Variants in PIAS1 observed in about 807,000 individuals in gnomAD.
The protein encoded by PIAS1 is protein inhibitor of activated STAT 1.
A neutral mutation model predicts 71.3 loss-of-function variants in PIAS1; 6 were observed. The observed-to-expected ratio is 0.08, with a 90% CI of 0.05 to 0.17. The LOEUF (loss-of-function observed/expected upper bound fraction) is 0.17, where lower values mean the gene tolerates loss of function less well. PIAS1 is among the 10% of genes least tolerant of loss of function. The pLI, the probability that PIAS1 is intolerant of heterozygous loss-of-function variation, is 1.00. For missense variants in PIAS1, 555 were observed against 793.6 expected, an observed-to-expected ratio of 0.70 and a Z score of 3.61; for synonymous variants, 303 against 292.9, an observed-to-expected ratio of 1.03 and a Z score of -0.35.
intron 2 of PIAS1, among the ~76,000 whole-genome samples, chr15:68,129,334 C>T (rs913222002): frequency 6.6e-6 from 1 of 152,100 alleles, no homozygotes; most frequent in African/African-American, 2.4e-5. Flanking sequence ...ACCCAAAGCA[C>T]TGGGTTGACA....
intron 2 of PIAS1, among the ~76,000 whole-genome samples, chr15:68,100,400 T>C (rs1338139659): frequency 6.6e-6 from 1 of 152,196 alleles, no homozygotes; most frequent in African/African-American, 2.4e-5. Flanking sequence ...TCCCTCTTGC[T>C]AACTTTTTGA....
chr15:68,126,345 T>C (rs1207828352), intron 2 of PIAS1, among the ~76,000 whole-genome samples: 1 of 152,236 alleles, frequency 6.6e-6, no homozygotes, highest in Non-Finnish European at 1.5e-5. Flanking sequence ...AGCCTGTCTA[T>C]TGAGCTTTTC....
chr15:68,098,173 C>T (rs953764044), intron 2 of PIAS1, among the ~76,000 whole-genome samples: 1 of 152,108 alleles, frequency 6.6e-6, no homozygotes, highest in African/African-American at 2.4e-5. Context: ...CTTTTGACTC[C>T]TCCAAAACTT....
intron 7 of PIAS1, among the ~76,000 whole-genome samples, chr15:68,156,241 A>C (rs1056644937): frequency 5.9e-5 from 9 of 152,246 alleles, no homozygotes; most frequent in African/African-American, 2.2e-4. Context: ...AAGTTTTGAC[A>C]TGTGCCTTGA....
Position 68,192,260 on chromosome 15 carries a change from G to A in PIAS1, c.*4425G>A, listed in dbSNP as rs747250858. The A allele has an allele frequency of 1.2e-4, 18 of 152,166 alleles. No homozygotes were observed. Among genetic ancestry groups the A allele is most frequent in the African/African-American group, 4.1e-4 (17 of 41,428 alleles). The allele number at this position is 152,166 out of a possible 1,614,324, so 9.4% of individuals were successfully genotyped here. Reference sequence around the variant, plus strand: ...TGAAAGTGACAGCAGTTCTCTCGGCGGGGCCAGCATCTAACCGGCCCTCTG... The same window carrying A: ...TGAAAGTGACAGCAGTTCTCTCGGCAGGGCCAGCATCTAACCGGCCCTCTG... On this transcript the variant is annotated 3_prime_UTR_variant, in exon 14 of 14. Coordinates refer to ENST00000249636, the MANE Select transcript of PIAS1 (RefSeq NM_016166.3).
chr15:68,133,089 T>G (rs1294134411), intron 2 of PIAS1, among the ~76,000 whole-genome samples: 1 of 152,050 alleles, frequency 6.6e-6, no homozygotes, highest in Non-Finnish European at 1.5e-5. Flanking sequence ...GTTGTCACTT[T>G]AATGATGTAT....
rs2093126582 is a variant in PIAS1 at position 68,192,829 on chromosome 15, G to A, written c.*4994G>A. On this transcript the variant is annotated 3_prime_UTR_variant, in exon 14 of 14. Transcript: ENST00000249636. ...ACCCACTTTTGATACATACATGGAT[G>A]CAAATCTTTGTACTTGAAGCCCTGC... 1 of 152,278 alleles carries A rather than the reference G, an allele frequency of 6.6e-6. No individual in the cohort carries two copies. Among genetic ancestry groups the A allele is most frequent in the Admixed American group, 6.5e-5 (1 of 15,282 alleles). The allele number at this position is 152,278 out of a possible 1,614,324, so 9.4% of individuals were successfully genotyped here. A position where few individuals can be genotyped will look rare whatever the true frequency, so the allele number is the denominator to read the frequency against.
At chr15:68,085,004 T>G (rs969952996) in intron 1 of PIAS1, among the ~76,000 whole-genome samples, 2 of 152,212 alleles carry the variant, frequency 1.3e-5, no homozygotes, top group Non-Finnish European at 2.9e-5. Flanking sequence ...GCTATATTGC[T>G]TATAAAGCTC....
chr15:68,054,419 TGG>T lies in PIAS1; in HGVS notation c.24+71_24+72del. 6.7e-7 allele frequency: 1 copy of T among 1,501,102 alleles called. No homozygotes were observed. Among genetic ancestry groups the T allele is most frequent in the Non-Finnish European group, 9.1e-7 (1 of 1,103,212 alleles). The allele number at this position is 1,501,102 out of a possible 1,614,324, so 93.0% of individuals were successfully genotyped here. On this transcript the variant is annotated intron_variant, in intron 1 of 13. Coordinates refer to ENST00000249636, the MANE Select transcript of PIAS1 (RefSeq NM_016166.3). This position sits in a 1 kb window ranked among gnomAD's most constrained non-coding sequence, Gnocchi z 4.6. ...ACGGCGCCGCTGCTGCCAGGGGGGA[TGG>T]GTCCGACCCTGGGGGGCCTCTCGGG...
intron 1 of PIAS1, chr15:68,055,841 G>A (rs771420292): frequency 1.7e-5 from 12 of 691,144 alleles, no homozygotes. Flanking sequence ...TTTTTCCTGT[G>A]GAATATCCTC....
At chr15:68,085,938 A>G (rs2092277382) in intron 1 of PIAS1, among the ~76,000 whole-genome samples, 1 of 152,178 alleles carries the variant, frequency 6.6e-6, no homozygotes, top group Admixed American at 6.5e-5. Context: ...AGAGCACATC[A>G]TTACGTTTTG....
chr15:68,183,723 C>T (rs546336377), intron 13 of PIAS1, 56 bp downstream of exon 13: 373 of 692,168 alleles, frequency 5.4e-4, no homozygotes, highest in Non-Finnish European at 7.0e-4. Context: ...TACAGTCATG[C>T]GCCACATAAT....
At chr15:68,077,831 C>T (rs1157951349) in intron 1 of PIAS1, among the ~76,000 whole-genome samples, 5 of 152,184 alleles carry the variant, frequency 3.3e-5, no homozygotes, top group East Asian at 3.9e-4. Flanking sequence ...TCCTGTTACT[C>T]GGAAATAGTT....
At chr15:68,080,752 G>A (rs1006177956) in intron 1 of PIAS1, among the ~76,000 whole-genome samples, 1 of 152,184 alleles carries the variant, frequency 6.6e-6, no homozygotes, top group African/African-American at 2.4e-5. Flanking sequence ...GTGGATGAAA[G>A]GCAAAAGTAT....
At chr15:68,155,433 A>G (rs184724600) in intron 7 of PIAS1, among the ~76,000 whole-genome samples, 39 of 130,298 alleles carry the variant, frequency 3.0e-4, no homozygotes, top group African/African-American at 1.1e-3. Flanking sequence ...ATCTACCTTT[A>G]CCTGTATGCT....
intron 6 of PIAS1, among the ~76,000 whole-genome samples, chr15:68,151,405 G>T (rs1017589257): frequency 6.6e-6 from 1 of 151,892 alleles, no homozygotes; most frequent in South Asian, 2.1e-4. Context: ...GTAATTCCAA[G>T]TTCTGAAGAT....
At chr15:68,123,983 T>TATACACAC (rs1555428708) in intron 2 of PIAS1, among the ~76,000 whole-genome samples, 121 of 151,188 alleles carry the variant, frequency 8.0e-4, no homozygotes, top group African/African-American at 2.9e-3. Flanking sequence ...TGTGTGAATA[T>TATACACAC]ACACACACAC....
intron 7 of PIAS1, among the ~76,000 whole-genome samples, chr15:68,156,533 C>G (rs1289075616): frequency 6.6e-6 from 1 of 151,712 alleles, no homozygotes; most frequent in Non-Finnish European, 1.5e-5. Flanking sequence ...ATGGTGAAAC[C>G]CTGTCTCTAC....
rs748245105 is a variant in PIAS1, at chr15:68,086,513, C to G, written c.232C>G (p.Pro78Ala). The change falls in exon 2 of 14, where the codon CCC (proline) becomes GCC (alanine). Residue 78 changes from proline (P) to alanine (A), a missense_variant. Pro to Ala is a conservative substitution (Grantham distance 27). Transcript: ENST00000249636. This position sits in a 1 kb window ranked among gnomAD's most constrained non-coding sequence, Gnocchi z 7.2. ...KIMTPADLSI[P>A]NVHSSPMPAT... ...CATGACGCCTGCAGACTTGTCCATC[C>G]CCAACGTACATTCAAGTCCTATGCC... 2 of 1,613,822 alleles carry G rather than the reference C, an allele frequency of 1.2e-6. No individual in the cohort carries two copies. Among genetic ancestry groups the G allele is most frequent in the Admixed American group, 3.3e-5 (2 of 60,004 alleles).
Sources: allele counts gnomAD v4.1 joint callset (sites outside exome capture counted in the v4.1 genomes callset), GRCh38; gene constraint gnomAD v4.1.1; non-coding constraint Gnocchi (gnomAD v3.1); transcripts MANE v1.5; gene names NCBI Gene and HGNC (gene_info 2026-07-23, HGNC 2026-07-21).